The following CSMD1 variants were observed in gnomAD, a reference collection of about 807,000 sequenced individuals.
The protein encoded by CSMD1 is CUB and sushi domain-containing protein 1.
A neutral mutation model predicts 417.5 loss-of-function variants in CSMD1; 213 were observed. That is an observed-to-expected ratio of 0.51 (90% confidence interval 0.46 to 0.57). The LOEUF is 0.57. CSMD1 is among the 20% of genes least tolerant of loss of function. The pLI is 0.00. For synonymous variants in CSMD1, 2,862 were observed against 1,736.8 expected, an observed-to-expected ratio of 1.65 and a Z score of -16.11; for missense variants, 6,923 against 4,529.7, an observed-to-expected ratio of 1.53 and a Z score of -15.17.
At chr8:3,540,312 T>C (rs1798384957) in intron 10 of CSMD1, among the ~76,000 whole-genome samples, 1 of 152,162 alleles carries the variant, frequency 6.6e-6, no homozygotes, top group Non-Finnish European at 1.5e-5. Context: ...TAACTCTTCT[T>C]AGAAATACCT....
At chr8:4,403,171 A>G (rs1376028224) in intron 3 of CSMD1, among the ~76,000 whole-genome samples, 1 of 152,130 alleles carries the variant, frequency 6.6e-6, no homozygotes. Context: ...TTTACATAAG[A>G]CATTAGTCTG....
intron 23 of CSMD1, among the ~76,000 whole-genome samples, chr8:3,316,590 A>G (rs1476135065): frequency 6.6e-6 from 1 of 152,098 alleles, no homozygotes; most frequent in African/African-American, 2.4e-5. Flanking sequence ...TCAGAGGGAG[A>G]ACAGTCCAGG....
chr8:3,402,481 G>A (rs1271257979), intron 15 of CSMD1, among the ~76,000 whole-genome samples: 2 of 152,116 alleles, frequency 1.3e-5, no homozygotes, highest in African/African-American at 4.8e-5. Flanking sequence ...GAGCCTGTTA[G>A]AAGCAGAAGA....
At chr8:3,966,070 C>T (rs183309749) in intron 5 of CSMD1, among the ~76,000 whole-genome samples, 27 of 152,228 alleles carry the variant, frequency 1.8e-4, no homozygotes, top group Admixed American at 7.2e-4. Context: ...AATAAAATAA[C>T]GAATGTCCAG....
At chr8:4,971,285 C>T (rs1810221794) in intron 1 of CSMD1, among the ~76,000 whole-genome samples, 1 of 152,026 alleles carries the variant, frequency 6.6e-6, no homozygotes. Flanking sequence ...ATGCTCTCAA[C>T]ATGGATTTTC....
At chr8:4,240,844 T>C (rs1383028131) in intron 3 of CSMD1, among the ~76,000 whole-genome samples, 3 of 152,202 alleles carry the variant, frequency 2.0e-5, no homozygotes, top group Non-Finnish European at 2.9e-5. Flanking sequence ...GGGCGTAGCA[T>C]GGGGTAGCAT....
intron 1 of CSMD1, among the ~76,000 whole-genome samples, chr8:4,918,580 G>A (rs1017878174): frequency 5.9e-5 from 9 of 152,246 alleles, no homozygotes; most frequent in Non-Finnish European, 8.8e-5. Flanking sequence ...TGCGAGTTGT[G>A]CTTTAAAAAG....
intron 2 of CSMD1, among the ~76,000 whole-genome samples, chr8:4,489,000 T>C (rs999698700): frequency 6.6e-6 from 1 of 152,186 alleles, no homozygotes; most frequent in African/African-American, 2.4e-5. Context: ...CACGTCCGCC[T>C]CCCAGCTTCA....
At chr8:3,719,124 C>A (rs1235897557) in intron 6 of CSMD1, among the ~76,000 whole-genome samples, 3 of 152,134 alleles carry the variant, frequency 2.0e-5, no homozygotes, top group Non-Finnish European at 2.9e-5. Flanking sequence ...GATTTTGTGT[C>A]CTGTTCTATT....
intron 2 of CSMD1, among the ~76,000 whole-genome samples, chr8:4,534,778 T>C (rs1797016080): frequency 6.6e-6 from 1 of 152,184 alleles, no homozygotes; most frequent in African/African-American, 2.4e-5. Flanking sequence ...CTTTCCTTTT[T>C]TTGAGGTGGA....
chr8:4,045,341 T>C (rs1362958268), intron 3 of CSMD1, among the ~76,000 whole-genome samples: 1 of 152,150 alleles, frequency 6.6e-6, no homozygotes, highest in Non-Finnish European at 1.5e-5. Flanking sequence ...CAATTGTGTA[T>C]GATATGAGCA....
At chr8:3,696,380 C>A (rs145204547) in intron 7 of CSMD1, among the ~76,000 whole-genome samples, 81 of 152,212 alleles carry the variant, frequency 5.3e-4, no homozygotes, top group African/African-American at 1.9e-3. Context: ...TTGTCGTATA[C>A]TTTCACATAT....
rs1803794505 is a variant in CSMD1 at position 4,887,058 on chromosome 8, G to A, written c.85+107274C>T. On this transcript the variant is annotated intron_variant, in intron 1 of 69. Coordinates refer to ENST00000635120, the MANE Select transcript of CSMD1 (RefSeq NM_033225.6). ...ATAATCCATTTCCAATGTGCTAGGT[G>A]GAAGTTTAGGATATTAATTGGAGAT... Among the ~76,000 whole-genome samples the A allele has an allele frequency of 6.6e-5, 10 of 151,874 alleles. 1 individual carries two copies. Among genetic ancestry groups the A allele is most frequent in the Admixed American group, 6.6e-4 (10 of 15,246 alleles).
chr8:3,065,303 G>GCAGA (rs1554503062), intron 49 of CSMD1, among the ~76,000 whole-genome samples: 1 of 149,278 alleles, frequency 6.7e-6, no homozygotes, highest in East Asian at 1.9e-4. Flanking sequence ...AGATAGATAG[G>GCAGA]TAGATAGATA....
At chr8:3,078,940 G>A (rs1290961783) in intron 49 of CSMD1, among the ~76,000 whole-genome samples, 1 of 151,762 alleles carries the variant, frequency 6.6e-6, no homozygotes, top group Non-Finnish European at 1.5e-5. Context: ...AAGGTTTCAT[G>A]CCAACATTTG....
At chr8:3,722,341 C>G (rs1051243077) in intron 6 of CSMD1, among the ~76,000 whole-genome samples, 2 of 152,120 alleles carry the variant, frequency 1.3e-5, no homozygotes, top group African/African-American at 4.8e-5. Context: ...ATAGCTTGAG[C>G]TTTCATAAAA....
intron 2 of CSMD1, among the ~76,000 whole-genome samples, chr8:4,468,136 A>C (rs1800301919): frequency 6.6e-6 from 1 of 152,178 alleles, no homozygotes; most frequent in Non-Finnish European, 1.5e-5. Context: ...TTTTGACTAA[A>C]AAAAGCCTAC....
chr8:4,372,363 C>A (rs1297874310), intron 3 of CSMD1, among the ~76,000 whole-genome samples: 1 of 152,038 alleles, frequency 6.6e-6, no homozygotes, highest in East Asian at 1.9e-4. Context: ...TGTTTCCTTC[C>A]ACATGCTGTT....
chr8:3,163,922 G>A (rs1376933391), intron 37 of CSMD1, among the ~76,000 whole-genome samples: 1 of 152,144 alleles, frequency 6.6e-6, no homozygotes, highest in African/African-American at 2.4e-5. Context: ...ACAGGTCGGT[G>A]TGTCCATGTA....
Sources: gnomAD v4.1 joint callset for allele counts (sites outside exome capture counted in the v4.1 genomes callset) on GRCh38, gnomAD v4.1.1 for gene constraint, MANE v1.5 for transcripts, NCBI Gene and HGNC (gene_info 2026-07-23, HGNC 2026-07-21) for gene names.